Variants in PLXDC2 observed in about 807,000 individuals in gnomAD.
PLXDC2 encodes plexin domain containing 2.
PLXDC2 carries 40 observed loss-of-function variants against 68.9 expected under a neutral mutation model. The observed-to-expected ratio is 0.58, with a 90% CI of 0.45 to 0.76. The LOEUF is 0.76. Among genes scored for constraint, PLXDC2 ranks in the 30% least tolerant of loss-of-function variants. The probability of loss-of-function intolerance (pLI) is 0.00; values close to 1 mark genes in which losing one functional copy is unlikely to be tolerated. For synonymous variants in PLXDC2, 243 were observed against 234.2 expected, an observed-to-expected ratio of 1.04 and a Z score of -0.34; for missense variants, 644 against 661.9, an observed-to-expected ratio of 0.97 and a Z score of 0.30.
chr10:20,186,278 G>T (rs1239643613), intron 9 of PLXDC2, among the ~76,000 whole-genome samples: 1 of 151,858 alleles, frequency 6.6e-6, no homozygotes, highest in Non-Finnish European at 1.5e-5. Flanking sequence ...TCTAATTGAA[G>T]GCGTCAAAGA....
chr10:20,051,782 T>C (rs968429844), intron 3 of PLXDC2, among the ~76,000 whole-genome samples: 3 of 151,952 alleles, frequency 2.0e-5, no homozygotes, highest in South Asian at 2.1e-4. Context: ...CTCATGCCAC[T>C]AATCCAGGGA....
At chr10:20,005,641 G>T (rs907565431) in intron 2 of PLXDC2, among the ~76,000 whole-genome samples, 1 of 152,036 alleles carries the variant, frequency 6.6e-6, no homozygotes, top group Admixed American at 6.6e-5. Context: ...GGGAGCAGGC[G>T]TGTCACATGA....
chr10:20,040,226 G>A (rs1025426952), intron 2 of PLXDC2, among the ~76,000 whole-genome samples: 1 of 152,086 alleles, frequency 6.6e-6, no homozygotes, highest in East Asian at 1.9e-4. Context: ...CCACTTTGCT[G>A]TTTCCACATT....
chr10:20,215,982 G>A (rs2131861895), intron 10 of PLXDC2, among the ~76,000 whole-genome samples: 1 of 152,156 alleles, frequency 6.6e-6, no homozygotes, highest in South Asian at 2.1e-4. Context: ...CCCTGCTAAG[G>A]ATGCAGGAGA....
intron 4 of PLXDC2, among the ~76,000 whole-genome samples, chr10:20,124,066 C>T (rs965388767): frequency 2.0e-5 from 3 of 151,970 alleles, no homozygotes; most frequent in African/African-American, 7.3e-5. Context: ...GGTACTTGCC[C>T]CTCCCACAGA....
intron 4 of PLXDC2, among the ~76,000 whole-genome samples, chr10:20,126,368 T>C (rs189779963): frequency 1.0e-3 from 144 of 140,186 alleles, no homozygotes; most frequent in Non-Finnish European, 1.5e-3. Flanking sequence ...TGTTATATAA[T>C]ACATATATAC....
chr10:19,867,129 G>A (rs112981929), intron 1 of PLXDC2, among the ~76,000 whole-genome samples: 1 of 144,500 alleles, frequency 6.9e-6, no homozygotes, highest in Non-Finnish European at 1.5e-5. Flanking sequence ...GCAATGTTGC[G>A]ATCTTGGCTC....
intron 5 of PLXDC2, 84 bp downstream of exon 5, chr10:20,143,501 G>C (rs1411448215): frequency 6.4e-7 from 1 of 1,554,428 alleles, no homozygotes. Flanking sequence ...TTTGTAAACT[G>C]TTTATTTTTT....
At chr10:20,041,237 C>G (rs1305267522) in intron 2 of PLXDC2, among the ~76,000 whole-genome samples, 1 of 152,096 alleles carries the variant, frequency 6.6e-6, no homozygotes, top group Non-Finnish European at 1.5e-5. Flanking sequence ...GTGGCATATT[C>G]TCTGTATATT....
At chr10:20,169,782 C>G (rs56086252) in intron 7 of PLXDC2, among the ~76,000 whole-genome samples, 259 of 152,262 alleles carry the variant, frequency 1.7e-3, no homozygotes, top group Non-Finnish European at 2.8e-3. Context: ...CGTTAACACT[C>G]CCATGCAGGG....
intron 4 of PLXDC2, among the ~76,000 whole-genome samples, chr10:20,112,859 T>A (rs181745496): frequency 1.3e-5 from 2 of 152,348 alleles, no homozygotes; most frequent in East Asian, 3.9e-4. Flanking sequence ...ACAGGAAAAT[T>A]AATGCTTTTA....
At chr10:20,102,886 C>A (rs1361353588) in intron 4 of PLXDC2, among the ~76,000 whole-genome samples, 1 of 152,068 alleles carries the variant, frequency 6.6e-6, no homozygotes, top group African/African-American at 2.4e-5. Context: ...TGAGTATAGG[C>A]AGCTAGAGAA....
At chr10:19,818,281 A>G (rs998034034) in intron 1 of PLXDC2, among the ~76,000 whole-genome samples, 2 of 139,666 alleles carry the variant, frequency 1.4e-5, no homozygotes, top group African/African-American at 2.8e-5. Context: ...TGTAATTTAA[A>G]TGATTGCCCG....
intron 3 of PLXDC2, among the ~76,000 whole-genome samples, chr10:20,060,656 C>T (rs1836086270): frequency 6.6e-6 from 1 of 152,108 alleles, no homozygotes; most frequent in Non-Finnish European, 1.5e-5. Flanking sequence ...TCTGATTAGA[C>T]TGCTCTGTGC....
intron 4 of PLXDC2, among the ~76,000 whole-genome samples, chr10:20,108,002 A>G (rs941284850): frequency 1.3e-5 from 2 of 152,204 alleles, no homozygotes; most frequent in African/African-American, 4.8e-5. Flanking sequence ...AATATTGTGC[A>G]ATTCTTTTTA....
intron 1 of PLXDC2, among the ~76,000 whole-genome samples, chr10:19,918,866 G>A (rs1014165099): frequency 6.6e-6 from 1 of 152,216 alleles, no homozygotes; most frequent in South Asian, 2.1e-4. Flanking sequence ...CAATCGTTAA[G>A]AAGTTATTTC....
At chr10:19,981,387 G>A (rs948563997) in intron 1 of PLXDC2, among the ~76,000 whole-genome samples, 5 of 152,202 alleles carry the variant, frequency 3.3e-5, no homozygotes, top group Non-Finnish European at 4.4e-5. Flanking sequence ...TGATACTAAA[G>A]TCTTGATACA....
intron 5 of PLXDC2, among the ~76,000 whole-genome samples, chr10:20,144,140 CA>C (rs1834042831): frequency 6.6e-6 from 1 of 152,046 alleles, no homozygotes; most frequent in African/African-American, 2.4e-5. Context: ...TTATAGGTAA[CA>C]AAGAGTTTAT....
chr10:19,889,373 C>G (rs986230241), intron 1 of PLXDC2, among the ~76,000 whole-genome samples: 2 of 152,146 alleles, frequency 1.3e-5, no homozygotes, highest in Non-Finnish European at 2.9e-5. Flanking sequence ...GCCCCTCCAA[C>G]TACACTGGAA....
Sources: allele counts gnomAD v4.1 joint callset (sites outside exome capture counted in the v4.1 genomes callset), GRCh38; gene constraint gnomAD v4.1.1; transcripts MANE v1.5; gene names NCBI Gene and HGNC (gene_info 2026-07-23, HGNC 2026-07-21).